PLCE1: variants seen among roughly 807,000 people sequenced by gnomAD.
PLCE1 encodes the protein phospholipase C epsilon 1.
Under a neutral mutation model 242.8 loss-of-function variants are expected in PLCE1, and 119 were observed. The observed-to-expected ratio is 0.49, with a 90% CI of 0.42 to 0.57. The LOEUF (loss-of-function observed/expected upper bound fraction) is 0.57, where lower values mean the gene tolerates loss of function less well. Among genes scored for constraint, PLCE1 ranks in the 20% least tolerant of loss-of-function variants. The pLI, the probability that PLCE1 is intolerant of heterozygous loss-of-function variation, is 0.00. For synonymous variants in PLCE1, 945 were observed against 1,017.4 expected, an observed-to-expected ratio of 0.93 and a Z score of 1.35; for missense variants, 2,441 against 2,788.8, an observed-to-expected ratio of 0.88 and a Z score of 2.81.
At chr10:94,259,247 G>T in intron 13 of PLCE1, 97 bp downstream of exon 13, 1 of 1,218,632 alleles carries the variant, frequency 8.2e-7, no homozygotes. Flanking sequence ...GTCCCACATA[G>T]TGTGCTATTA....
At chr10:94,047,264 A>G (rs1346192900) in intron 2 of PLCE1, among the ~76,000 whole-genome samples, 1 of 152,140 alleles carries the variant, frequency 6.6e-6, no homozygotes, top group Non-Finnish European at 1.5e-5. Flanking sequence ...GTGGCAGGGT[A>G]ATTTGGGTAG....
At chr10:94,234,414 C>T in intron 6 of PLCE1, 102 bp downstream of exon 6, 1 of 1,236,066 alleles carries the variant, frequency 8.1e-7, no homozygotes, top group South Asian at 1.2e-5. Context: ...TGATTGAACA[C>T]AGGGTTAATA....
Position 94,248,952 on chromosome 10 carries a change from C to T in PLCE1, c.3096+2331C>T, listed in dbSNP as rs1028250795. Among the ~76,000 whole-genome samples the T allele has an allele frequency of 2.0e-5, 3 of 152,108 alleles. No individual in the cohort carries two copies. In the South Asian group the frequency reaches 6.2e-4, roughly 32 times the overall value. ...CTGAAGGAGGCACCAGCTGAGACCA[C>T]GAACGGCAGGTGAAGAGGTAAGAGT... On this transcript the variant is annotated intron_variant, in intron 8 of 32. Transcript: ENST00000371380.
At chr10:94,282,830 A>C (rs2052290700) in intron 20 of PLCE1, among the ~76,000 whole-genome samples, 2 of 152,256 alleles carry the variant, frequency 1.3e-5, no homozygotes, top group South Asian at 4.1e-4. Context: ...AACGGTCAGG[A>C]AGGTAAATGC....
intron 2 of PLCE1, among the ~76,000 whole-genome samples, chr10:94,034,404 T>G (rs1303636833): frequency 6.6e-6 from 1 of 152,214 alleles, no homozygotes; most frequent in Admixed American, 6.5e-5. Context: ...TTTGATATGA[T>G]AATTAACACT....
At chr10:94,092,925 A>G (rs1194654165) in intron 2 of PLCE1, among the ~76,000 whole-genome samples, 1 of 152,204 alleles carries the variant, frequency 6.6e-6, no homozygotes, top group African/African-American at 2.4e-5. Flanking sequence ...CAGACACAAT[A>G]AATTATTTGC....
chr10:94,274,642 G>T (rs2051878357), intron 19 of PLCE1, among the ~76,000 whole-genome samples: 1 of 152,112 alleles, frequency 6.6e-6, no homozygotes, highest in South Asian at 2.1e-4. Context: ...GGAGTGGAGT[G>T]TGCACGCCGT....
intron 13 of PLCE1, 144 bp from the exon 14 acceptor site, chr10:94,262,350 G>A (rs1335854687): frequency 2.6e-6 from 2 of 761,334 alleles, no homozygotes. Context: ...TGTGAAGCCA[G>A]AAATAAACAC....
Position 94,171,429 on chromosome 10 carries a change from C to G in PLCE1, c.1742C>G (p.Ala581Gly). Residue 581 changes from alanine to glycine, a missense_variant, in exon 4 of 33, where the codon GCG (alanine) becomes GGG (glycine). Coordinates refer to ENST00000371380, the MANE Select transcript of PLCE1 (RefSeq NM_016341.4). ...CCCTGCCTCAAAGCATCCATCTCAG[C>G]GTCGATTCTTACCACTCAGAATGGA... Reference protein sequence around the residue: ...SLPCLKASISASILTTQNGEH... With the variant: ...SLPCLKASISGSILTTQNGEH... The G allele has an allele frequency of 1.2e-6, 2 of 1,614,170 alleles. No individual in the cohort carries two copies. The highest frequency in any genetic ancestry group is 2.2e-5 in the South Asian group (2 of 91,080).
intron 1 of PLCE1, among the ~76,000 whole-genome samples, chr10:94,025,109 C>G (rs1053351110): frequency 6.6e-6 from 1 of 151,858 alleles, no homozygotes. Flanking sequence ...ACCTCACAAT[C>G]TAAGATGGCT....
rs1427932815 is a variant in PLCE1, at chr10:94,306,445, G to A, written c.5641G>A (p.Val1881Met). ...YSLTIVSGQN[V>M]CPSNSMGSPC... ...ACCCTAGATTGTCTCTGGTCAGAATGTGTGCCCCAGTAATAGCATGGGAAG... is the reference window on the plus strand; with the variant it reads ...ACCCTAGATTGTCTCTGGTCAGAATATGTGCCCCAGTAATAGCATGGGAAG... Residue 1881 changes from valine (V) to methionine (M), a missense_variant, in exon 26 of 33, where the codon GTG (valine) becomes ATG (methionine). Physicochemically the swap from Val to Met is conservative, Grantham distance 21 (BLOSUM62 1). Around this residue, in one of 5 missense-constraint regions of PLCE1, gnomAD observed 1,004 missense variants for 1,322.7 expected, o/e 0.76. Coordinates refer to ENST00000371380, the MANE Select transcript of PLCE1 (RefSeq NM_016341.4). The surrounding 1 kb of genome is among the most constrained non-coding windows in gnomAD (Gnocchi z 5.7). The A allele has an allele frequency of 1.2e-6, 2 of 1,614,012 alleles. No individual in the cohort carries two copies. Among genetic ancestry groups the A allele is most frequent in the African/African-American group, 2.7e-5 (2 of 74,884 alleles).
chr10:94,059,965 T>TAA (rs1405187775), intron 2 of PLCE1, among the ~76,000 whole-genome samples: 1 of 152,206 alleles, frequency 6.6e-6, no homozygotes, highest in South Asian at 2.1e-4. Flanking sequence ...TTAAATTTGT[T>TAA]ACACCCTTCA....
At chr10:94,026,670 A>G (rs916144556) in intron 1 of PLCE1, among the ~76,000 whole-genome samples, 7 of 152,198 alleles carry the variant, frequency 4.6e-5, no homozygotes, top group African/African-American at 1.4e-4. Context: ...CAAAATGTAT[A>G]TATATATTTC....
intron 22 of PLCE1, chr10:94,287,055 A>G (rs2052475382): frequency 6.6e-6 from 1 of 152,246 alleles, no homozygotes; most frequent in African/African-American, 2.4e-5. Context: ...TGTGAAAGAT[A>G]AAGTCTCTGT....
chr10:94,307,647 A>G (rs1037607898), intron 26 of PLCE1, among the ~76,000 whole-genome samples: 1 of 152,140 alleles, frequency 6.6e-6, no homozygotes, highest in Non-Finnish European at 1.5e-5. Flanking sequence ...TGGCTTGCAG[A>G]TGGTCCCCAC....
chr10:94,149,394 C>T (rs2047208074), intron 3 of PLCE1, among the ~76,000 whole-genome samples: 1 of 152,284 alleles, frequency 6.6e-6, no homozygotes, highest in East Asian at 1.9e-4. Flanking sequence ...CTGAGAGCTA[C>T]GTGCAGCTCA....
At chr10:94,284,714 T>G (rs1317366296) in intron 21 of PLCE1, 134 bp from the exon 22 acceptor site, 1 of 666,910 alleles carries the variant, frequency 1.5e-6, no homozygotes, top group Non-Finnish European at 2.7e-6. Context: ...TGTTGGGACA[T>G]GTATATGGAT....
intron 5 of PLCE1, among the ~76,000 whole-genome samples, chr10:94,232,544 A>T (rs1281841640): frequency 1.3e-5 from 2 of 152,080 alleles, no homozygotes; most frequent in African/African-American, 4.8e-5. Context: ...CACAGAGACC[A>T]ATGGAGGGTG....
At chr10:94,069,289 C>T (rs1232622382) in intron 2 of PLCE1, among the ~76,000 whole-genome samples, 1 of 152,136 alleles carries the variant, frequency 6.6e-6, no homozygotes, top group Admixed American at 6.6e-5. Context: ...GAATTGAGGT[C>T]AAGATCCAAA....
Sources: allele counts gnomAD v4.1 joint callset (sites outside exome capture counted in the v4.1 genomes callset), GRCh38; gene constraint gnomAD v4.1.1; regional missense constraint gnomAD v4.1.1; non-coding constraint Gnocchi (gnomAD v3.1); transcripts MANE v1.5; gene names NCBI Gene and HGNC (gene_info 2026-07-23, HGNC 2026-07-21).